The following WWP2 variants were observed in gnomAD, a reference collection of about 807,000 sequenced individuals.
WWP2 encodes the protein NEDD4-like E3 ubiquitin-protein ligase WWP2.
Under a neutral mutation model 121.0 loss-of-function variants are expected in WWP2, and 57 were observed. The ratio of observed to expected loss-of-function variants is 0.47; its 90% CI spans 0.38 to 0.59. The LOEUF (loss-of-function observed/expected upper bound fraction) is 0.59, where lower values mean the gene tolerates loss of function less well. Ranked by LOEUF, WWP2 falls within the 20% of genes least tolerant of loss-of-function variation. The probability of loss-of-function intolerance (pLI) is 0.00; values close to 1 mark genes in which losing one functional copy is unlikely to be tolerated. For missense variants in WWP2, 962 were observed against 1,158.9 expected (o/e 0.83, Z 2.47); for synonymous variants, 449 against 441.3 (o/e 1.02, Z -0.22).
chr16:69,871,617 A>G, intron 6 of WWP2, 187 bp from the exon 7 acceptor site: 1 of 750,292 alleles, frequency 1.3e-6, no homozygotes, highest in Non-Finnish European at 2.0e-6. Flanking sequence ...AGCTTTTACC[A>G]AAAAGGAAAC....
rs1327201647 is a variant in WWP2 at position 69,937,962 on chromosome 16, G to A, written c.2343+310G>A. The stretch of plus-strand genomic sequence containing the variant: ...CCTGCCAGCCAGATGGGACAGGAAG[G>A]CAGGGGCTTGGCTCCAGAAACCAGA... On this transcript the variant is annotated intron_variant, in intron 21 of 23. Coordinates refer to ENST00000359154, the MANE Select transcript of WWP2 (RefSeq NM_001270454.2). The surrounding 1 kb of genome is among the most constrained non-coding windows in gnomAD (Gnocchi z 6.6). Among the ~76,000 whole-genome samples the A allele has an allele frequency of 6.6e-6, 1 of 152,174 alleles. No individual in the cohort carries two copies. Among genetic ancestry groups the A allele is most frequent in the African/African-American group, 2.4e-5 (1 of 41,428 alleles).
Position 69,762,475 on chromosome 16 carries a change from C to T in WWP2, c.-16+84C>T, listed in dbSNP as rs1373810773. On this transcript the variant is annotated intron_variant, in intron 1 of 23. Transcript: ENST00000359154. ...GGGCGGCGGGCGGCGCGGGGTGGGC[C>T]GGGGGCGGCGCGGCCCGGGCGTCGG... 1.6e-3 allele frequency: 207 copies of T among 133,542 alleles called. 1 individual carries two copies. Among genetic ancestry groups the T allele is most frequent in the African/African-American group, 5.2e-3 (194 of 37,348 alleles). The allele number at this position is 133,542 out of a possible 1,614,324, so 8.3% of individuals were successfully genotyped here.
intron 2 of WWP2, among the ~76,000 whole-genome samples, chr16:69,790,819 G>T (rs889423147): frequency 1.3e-5 from 2 of 151,924 alleles, no homozygotes; most frequent in African/African-American, 4.8e-5. Context: ...CAAGTGATCC[G>T]CCTGCCTCAG....
chr16:69,939,164 C>A, intron 22 of WWP2, 41 bp downstream of exon 22: 3 of 1,573,820 alleles, frequency 1.9e-6, no homozygotes, highest in Non-Finnish European at 2.6e-6. Flanking sequence ...GCTGGCAGTG[C>A]GGACAGCTCA....
chr16:69,781,523 T>A (rs2055664143), intron 1 of WWP2, among the ~76,000 whole-genome samples: 1 of 151,822 alleles, frequency 6.6e-6, no homozygotes, highest in Non-Finnish European at 1.5e-5. Flanking sequence ...ATTTTTGTAT[T>A]TTTTTTGGAG....
intron 4 of WWP2, among the ~76,000 whole-genome samples, chr16:69,825,819 A>T (rs1398172243): frequency 6.6e-6 from 1 of 151,676 alleles, no homozygotes; most frequent in Non-Finnish European, 1.5e-5. Context: ...TAGACACAGG[A>T]TCTCCCTATG....
chr16:69,788,616 C>A (rs2055841776), intron 2 of WWP2, among the ~76,000 whole-genome samples: 1 of 152,230 alleles, frequency 6.6e-6, no homozygotes, highest in African/African-American at 2.4e-5. Context: ...TCTTCCTGAT[C>A]CCCTGATCCA....
intron 21 of WWP2, among the ~76,000 whole-genome samples, chr16:69,938,207 T>C (rs1384554578): frequency 1.3e-5 from 2 of 151,510 alleles, no homozygotes; most frequent in Non-Finnish European, 2.9e-5. Flanking sequence ...AGAGACAGGG[T>C]CTTGCTATGG....
At chr16:69,927,349 A>G (rs948995725) in intron 11 of WWP2, among the ~76,000 whole-genome samples, 5 of 151,682 alleles carry the variant, frequency 3.3e-5, no homozygotes, top group Non-Finnish European at 7.4e-5. Context: ...CCCAGGAGAG[A>G]CCCCGCATCT....
chr16:69,814,732 C>T (rs911687810), intron 4 of WWP2, among the ~76,000 whole-genome samples: 2 of 152,170 alleles, frequency 1.3e-5, no homozygotes, highest in Non-Finnish European at 2.9e-5. Flanking sequence ...GAGCGGTGGG[C>T]CTCCTCCCTT....
intron 4 of WWP2, among the ~76,000 whole-genome samples, chr16:69,807,072 A>G (rs529777489): frequency 6.7e-6 from 1 of 150,190 alleles, no homozygotes; most frequent in Admixed American, 6.7e-5. Context: ...CTTTTTGCCC[A>G]GGATGGAGTG....
At chr16:69,805,810 C>T (rs1359246460) in intron 4 of WWP2, among the ~76,000 whole-genome samples, 1 of 148,986 alleles carries the variant, frequency 6.7e-6, no homozygotes, top group Non-Finnish European at 1.5e-5. Flanking sequence ...TGGTATCTCA[C>T]TATGTTGCCC....
At chr16:69,784,168 C>A (rs763662795) in intron 1 of WWP2, among the ~76,000 whole-genome samples, 1 of 136,384 alleles carries the variant, frequency 7.3e-6, no homozygotes, top group Non-Finnish European at 1.5e-5. Flanking sequence ...GGCATGATCT[C>A]GGCGCACTGC....
intron 2 of WWP2, 140 bp downstream of exon 2, chr16:69,787,220 T>G: frequency 1.8e-6 from 1 of 561,952 alleles, no homozygotes. Flanking sequence ...ATTGTCATCT[T>G]GTAGCTGTAA....
At chr16:69,812,992 A>G (rs899066996) in intron 4 of WWP2, among the ~76,000 whole-genome samples, 5 of 152,034 alleles carry the variant, frequency 3.3e-5, no homozygotes, top group East Asian at 3.9e-4. Flanking sequence ...TCTGATGCCT[A>G]TAGATTTTTA....
intron 6 of WWP2, among the ~76,000 whole-genome samples, chr16:69,849,482 T>TATTTATTCATTC (rs1555553863): frequency 0.052 from 7,736 of 149,588 alleles, 236 homozygotes; most frequent in Middle Eastern, 0.11. Context: ...TTTATTTATT[T>TATTTATTCATTC]ATTCATTCAT....
At chr16:69,912,876 G>T (rs1279572264) in intron 9 of WWP2, among the ~76,000 whole-genome samples, 14 of 131,114 alleles carry the variant, frequency 1.1e-4, no homozygotes, top group African/African-American at 3.6e-4. Context: ...GAGTCCAGGA[G>T]TTCGAGACTA....
At chr16:69,880,376 G>A (rs1006096131) in intron 7 of WWP2, among the ~76,000 whole-genome samples, 1 of 151,764 alleles carries the variant, frequency 6.6e-6, no homozygotes, top group East Asian at 1.9e-4. Context: ...ATGTGTTATC[G>A]TATTTTCTTT....
rs550812973 is a variant in WWP2 at position 69,848,334 on chromosome 16, C to T, written c.575+6214C>T. 4.6e-5 allele frequency among the ~76,000 whole-genome samples: 7 copies of T among 152,100 alleles called. No homozygotes were observed. In the South Asian group the frequency reaches 6.2e-4, roughly 14 times the overall value. On this transcript the variant is annotated intron_variant, in intron 6 of 23. Coordinates refer to ENST00000359154, the MANE Select transcript of WWP2 (RefSeq NM_001270454.2). ...GCGTGGTGGCGCATGCCTGTAATCC[C>T]GGCTACGTGGGGAGCTGAGGCAGGA...
Sources: allele counts gnomAD v4.1 joint callset (sites outside exome capture counted in the v4.1 genomes callset), GRCh38; gene constraint gnomAD v4.1.1; non-coding constraint Gnocchi (gnomAD v3.1); transcripts MANE v1.5; gene names NCBI Gene and HGNC (gene_info 2026-07-23, HGNC 2026-07-21).